The following CD27 variants were observed in gnomAD, a reference collection of about 807,000 sequenced individuals.
The protein encoded by CD27 is CD27 antigen.
CD27 carries 16 observed loss-of-function variants against 25.9 expected under a neutral mutation model. The observed-to-expected ratio is 0.62, with a 90% confidence interval of 0.42 to 0.94. The LOEUF is 0.94. Among genes scored for constraint, CD27 ranks in the 40% least tolerant of loss-of-function variants. CD27 has a pLI of 0.00. For synonymous variants in CD27, 142 were observed against 124.3 expected (o/e 1.14, Z -0.95); for missense variants, 300 against 333.2 (o/e 0.90, Z 0.78).
At position 6,445,405 on chromosome 12, in the gene CD27, C is replaced by G. The variant is rs1457790427; in HGVS notation, c.137-19C>G. The G allele has an allele frequency of 6.2e-7, 1 of 1,613,984 alleles. No individual in the cohort carries two copies. Among genetic ancestry groups the G allele is most frequent in the South Asian group, 1.1e-5 (1 of 91,054 alleles). ...AACCAGCCCTTCTCAGGCCTTGATC[C>G]CTTACCCTCTCCTCCCAGGAACATT... is the stretch of plus-strand genomic sequence containing the variant. On this transcript the variant is annotated intron_variant, in intron 1 of 5. Transcript: ENST00000266557. This position sits in a 1 kb window ranked among gnomAD's most constrained non-coding sequence, Gnocchi z 4.5.
intron 5 of CD27, 92 bp downstream of exon 5, chr12:6,451,106 C>T: frequency 6.4e-7 from 1 of 1,574,654 alleles, no homozygotes; most frequent in Non-Finnish European, 8.7e-7. Flanking sequence ...TCACTGAAAC[C>T]CACCAGCTCC....
In CD27 at chr12:6,450,535, T is replaced by A. The variant is rs777917514; in HGVS notation, c.449-6T>A. 1 of 1,612,978 alleles carries A rather than the reference T, an allele frequency of 6.2e-7. No homozygotes were observed. Among genetic ancestry groups the A allele is most frequent in the South Asian group, 1.1e-5 (1 of 91,068 alleles). On this transcript the variant is annotated splice_region_variant and splice_polypyrimidine_tract_variant and intron_variant, in intron 3 of 5. Coordinates refer to ENST00000266557, the MANE Select transcript of CD27 (RefSeq NM_001242.5). The surrounding 1 kb of genome is among the most constrained non-coding windows in gnomAD (Gnocchi z 4.1). ...GCTGCTACTCATTCTGTCTCTGTTT[T>A]TCCAGAGATGCTGGAGGCCAGGACA...
Position 6,446,635 on chromosome 12 carries a change from G to T in CD27, c.268+1080G>T, listed in dbSNP as rs1028181884. Among the ~76,000 whole-genome samples, 13 of 151,828 alleles carry T rather than the reference G, an allele frequency of 8.6e-5. No homozygotes were observed. In the East Asian group the frequency reaches 1.2e-3, roughly 14 times the overall value. On this transcript the variant is annotated intron_variant, in intron 2 of 5. Coordinates refer to ENST00000266557, the MANE Select transcript of CD27 (RefSeq NM_001242.5). ...TGAGACCTTGTCTCTAAAAAAATTG[G>T]CTGGTCATGGTAGTGCACCTGCAGT...
In CD27 at chr12:6,450,379, A is replaced by C; in HGVS notation, c.448+27A>C. The C allele has an allele frequency of 6.2e-7, 1 of 1,603,276 alleles. No individual in the cohort carries two copies. The highest frequency in any genetic ancestry group is 8.5e-7 in the Non-Finnish European group (1 of 1,175,546). ...TAAGTTCCAGGCAACTCTCTGTGCC[A>C]TCACGTGGGGTAGCGGTGATACCCC... On this transcript the variant is annotated intron_variant, in intron 3 of 5. Transcript: ENST00000266557. This position sits in a 1 kb window ranked among gnomAD's most constrained non-coding sequence, Gnocchi z 4.1.
At position 6,450,140 on chromosome 12, in the gene CD27, T is replaced by A; in HGVS notation, c.269-33T>A. 1.9e-6 allele frequency: 3 copies of A among 1,591,964 alleles called. No homozygotes were observed. The highest frequency in any genetic ancestry group is 2.6e-6 in the Non-Finnish European group (3 of 1,170,402). Reference sequence around the variant, plus strand: ...CCTTGAAGGTCTCCACAGGTCTGAGTGTCCTATGCTCCCTGGGCCTCTCTT... The same window carrying A: ...CCTTGAAGGTCTCCACAGGTCTGAGAGTCCTATGCTCCCTGGGCCTCTCTT... On this transcript the variant is annotated intron_variant, in intron 2 of 5. Coordinates refer to ENST00000266557, the MANE Select transcript of CD27 (RefSeq NM_001242.5). The surrounding 1 kb of genome is among the most constrained non-coding windows in gnomAD (Gnocchi z 4.1).
Position 6,450,595 on chromosome 12 carries a change from A to C in CD27, c.503A>C (p.Gln168Pro). ...ATGCAGACTCTGGCTGACTTCAGGC[A>C]GCTGCCTGCCCGGACTCTCTCTACC... ...GHMQTLADFR[Q>P]LPARTLSTHW... The change falls in exon 4 of 6, where the codon CAG becomes CCG. Residue 168 changes from glutamine (Q) to proline (P), a missense_variant. Gln to Pro is a moderately conservative substitution (Grantham distance 76). Coordinates refer to ENST00000266557, the MANE Select transcript of CD27 (RefSeq NM_001242.5). This position sits in a 1 kb window ranked among gnomAD's most constrained non-coding sequence, Gnocchi z 4.1. The C allele has an allele frequency of 6.2e-7, 1 of 1,613,186 alleles. No homozygotes were observed. The highest frequency in any genetic ancestry group is 1.1e-5 in the South Asian group (1 of 91,088).
upstream of CD27, among the ~76,000 whole-genome samples, chr12:6,444,678 G>A (rs12821742): frequency 1.4e-5 from 2 of 144,880 alleles, no homozygotes; most frequent in Admixed American, 1.4e-4. Flanking sequence ...GGGGGGTAAC[G>A]TGGGCACCTT....
rs770201739 is a variant in CD27, at chr12:6,445,169, A to G, written c.74A>G (p.Lys25Arg). Residue 25 changes from lysine to arginine, a missense_variant, in exon 1 of 6, where the codon AAG becomes AGG. Lys to Arg is a conservative substitution (Grantham distance 26, BLOSUM62 2). Transcript: ENST00000266557. This position sits in a 1 kb window ranked among gnomAD's most constrained non-coding sequence, Gnocchi z 4.5. ...GGGCTCTCAGCTACTCCAGCCCCCA[A>G]GAGCTGCCCAGAGAGGCACTACTGG... ...LVGLSATPAP[K>R]SCPERHYWAQ... 3 of 1,611,928 alleles carry G rather than the reference A, an allele frequency of 1.9e-6. No homozygotes were observed. The highest frequency in any genetic ancestry group is 2.5e-6 in the Non-Finnish European group (3 of 1,179,234).
At chr12:6,444,636 G>A (rs936771821), upstream of CD27, among the ~76,000 whole-genome samples, 3 of 114,224 alleles carry the variant, frequency 2.6e-5, no homozygotes, top group African/African-American at 6.7e-5. Context: ...CTGCGAATTC[G>A]TCTGTAAACT....
chr12:6,450,277 A>G lies in CD27; in HGVS notation c.373A>G (p.Asn125Asp). ...KECTECDPLP[N>D]PSLTARSSQA... The stretch of plus-strand genomic sequence containing the variant: ...GTGCACCGAGTGTGATCCTCTTCCA[A>G]ACCCTTCGCTGACCGCTCGGTCGTC... Residue 125 changes from asparagine (N) to aspartate (D), a missense_variant, in exon 3 of 6, where the codon AAC (asparagine) becomes GAC (aspartate). Transcript: ENST00000266557. This position sits in a 1 kb window ranked among gnomAD's most constrained non-coding sequence, Gnocchi z 4.1. The G allele has an allele frequency of 6.2e-7, 1 of 1,613,912 alleles. No individual in the cohort carries two copies. The highest frequency in any genetic ancestry group is 1.3e-5 in the African/African-American group (1 of 75,002).
chr12:6,450,502 G>T lies in CD27; in HGVS notation c.449-39G>T. 1.9e-6 allele frequency: 3 copies of T among 1,596,896 alleles called. No homozygotes were observed. Among genetic ancestry groups the T allele is most frequent in the Non-Finnish European group, 2.6e-6 (3 of 1,166,266 alleles). ...TCAGGCCTTCAGATGTGCCCTATGG[G>T]GTCCCCTGCTGCTACTCATTCTGTC... is the stretch of plus-strand genomic sequence containing the variant. On this transcript the variant is annotated intron_variant, in intron 3 of 5. Transcript: ENST00000266557. This position sits in a 1 kb window ranked among gnomAD's most constrained non-coding sequence, Gnocchi z 4.1.
chr12:6,444,968 C>T lies in CD27; in HGVS notation c.-128C>T. ...TAGAGATTCTGCCTTCAAAGGTTGG[C>T]TTGCCACCTGAAGCAGCCACTGCCC... On this transcript the variant is annotated 5_prime_UTR_variant, in exon 1 of 6. Transcript: ENST00000266557. The T allele has an allele frequency of 1.9e-6, 2 of 1,070,260 alleles. 1 individual carries two copies. Among genetic ancestry groups the T allele is most frequent in the South Asian group, 3.5e-5 (2 of 56,894 alleles). 66.3% of individuals were successfully genotyped at this position (1,070,260 alleles called of 1,614,324 possible).
At chr12:6,448,289 G>T (rs1237256497) in intron 2 of CD27, 2 of 152,202 alleles carry the variant, frequency 1.3e-5, no homozygotes, top group African/African-American at 4.8e-5. Context: ...ACAAGTGTCT[G>T]CCCTAAGGCC....
rs919567116 is a variant in CD27, at chr12:6,445,386, C to T, written c.137-38C>T. The T allele has an allele frequency of 2.5e-6, 4 of 1,612,928 alleles. No individual in the cohort carries two copies. Among genetic ancestry groups the T allele is most frequent in the African/African-American group, 1.3e-5 (1 of 75,028 alleles). On this transcript the variant is annotated intron_variant, in intron 1 of 5. Transcript: ENST00000266557. This position sits in a 1 kb window ranked among gnomAD's most constrained non-coding sequence, Gnocchi z 4.5. Reference sequence around the variant, plus strand: ...CACCTTGAAGAGGGCAGAGAACCAGCCCTTCTCAGGCCTTGATCCCTTACC... The same window carrying T: ...CACCTTGAAGAGGGCAGAGAACCAGTCCTTCTCAGGCCTTGATCCCTTACC...
upstream of CD27, among the ~76,000 whole-genome samples, chr12:6,444,251 C>G (rs929929112): frequency 1.3e-5 from 2 of 152,070 alleles, no homozygotes; most frequent in Non-Finnish European, 2.9e-5. Flanking sequence ...CATAGGTGAT[C>G]GGTCAGAGTG....
chr12:6,448,621 C>T (rs1165042678), intron 2 of CD27: 1 of 152,114 alleles, frequency 6.6e-6, no homozygotes, highest in Non-Finnish European at 1.5e-5. Flanking sequence ...AAAAATTAGC[C>T]AGGTGTGGTG....
At position 6,451,590 on chromosome 12, in the gene CD27, G is replaced by A. The variant is rs1455345471; in HGVS notation, c.*198G>A. Reference sequence around the variant, plus strand: ...ATATGGATGAGGTGGAGAGTGGGAAGCAGGAGCCCAGCCAGCTGCGCCTGC... The same window carrying A: ...ATATGGATGAGGTGGAGAGTGGGAAACAGGAGCCCAGCCAGCTGCGCCTGC... On this transcript the variant is annotated 3_prime_UTR_variant, in exon 6 of 6. Transcript: ENST00000266557. 2 of 567,602 alleles carry A rather than the reference G, an allele frequency of 3.5e-6. No individual in the cohort carries two copies. The highest frequency in any genetic ancestry group is 2.9e-5 in the South Asian group (1 of 33,920). 35.2% of individuals were successfully genotyped at this position (567,602 alleles called of 1,614,324 possible). A position where few individuals can be genotyped will look rare whatever the true frequency, so the allele number is the denominator to read the frequency against.
intron 5 of CD27, 108 bp from the exon 6 acceptor site, chr12:6,451,160 C>G: frequency 6.6e-7 from 1 of 1,520,756 alleles, no homozygotes; most frequent in South Asian, 1.2e-5. Flanking sequence ...CCTTAGCTGG[C>G]GTGCTCCTGA....
chr12:6,451,086 G>A (rs996781302), intron 5 of CD27, 72 bp downstream of exon 5: 1 of 1,601,222 alleles, frequency 6.2e-7, no homozygotes, highest in Admixed American at 1.7e-5. Flanking sequence ...CACTGCCCAC[G>A]CCTGGAATCT....
Sources: gnomAD v4.1 joint callset for allele counts (sites outside exome capture counted in the v4.1 genomes callset) on GRCh38, gnomAD v4.1.1 for gene constraint, Gnocchi (gnomAD v3.1) non-coding constraint, MANE v1.5 for transcripts, NCBI Gene and HGNC (gene_info 2026-07-23, HGNC 2026-07-21) for gene names.